ADAMTS12: variants seen among roughly 807,000 people sequenced by gnomAD.
ADAMTS12 encodes the protein ADAM metallopeptidase with thrombospondin type 1 motif 12.
Under a neutral mutation model 167.8 loss-of-function variants are expected in ADAMTS12, and 118 were observed. The observed-to-expected ratio is 0.70, with a 90% confidence interval of 0.61 to 0.82. The LOEUF is 0.82. Among genes scored for constraint, ADAMTS12 ranks in the 40% least tolerant of loss-of-function variants. The probability of loss-of-function intolerance (pLI) is 0.00; values close to 1 mark genes in which losing one functional copy is unlikely to be tolerated. For missense variants in ADAMTS12, 1,916 were observed against 1,998.8 expected, an observed-to-expected ratio of 0.96 and a Z score of 0.79; for synonymous variants, 704 against 716.9, an observed-to-expected ratio of 0.98 and a Z score of 0.29.
At chr5:33,814,918 G>A (rs750622419) in intron 2 of ADAMTS12, among the ~76,000 whole-genome samples, 12 of 152,134 alleles carry the variant, frequency 7.9e-5, no homozygotes, top group South Asian at 2.1e-4. Flanking sequence ...TTCTCGAATC[G>A]TAGAGTTTAG....
In ADAMTS12 at chr5:33,576,860, C is replaced by A. The variant is rs1746760726; in HGVS notation, c.3166G>T (p.Ala1056Ser). The A allele has an allele frequency of 1.2e-6, 2 of 1,614,044 alleles. No homozygotes were observed. Among genetic ancestry groups the A allele is most frequent in the South Asian group, 1.1e-5 (1 of 91,086 alleles). The change falls in exon 19 of 24, where the codon GCC (alanine) becomes TCC (serine). Residue 1056 changes from alanine (A) to serine (S), a missense_variant. Ala to Ser is a moderately conservative substitution (Grantham distance 99). Transcript: ENST00000504830. ...CCACCCAGGTCTCCTTCTTTGGAGG[C>A]TGTGGTAGGACTAGGGCTGCTGATT... ...PAISSPSPTTASKEGDLGGKQ... is the reference protein window; with the variant it reads ...PAISSPSPTTSSKEGDLGGKQ...
rs534227609 is a variant in ADAMTS12, at chr5:33,755,687, G to C, written c.490-4139C>G. Among the ~76,000 whole-genome samples the C allele has an allele frequency of 2.6e-5, 4 of 152,300 alleles. No individual in the cohort carries two copies. In the South Asian group the frequency reaches 8.3e-4, roughly 32 times the overall value. On this transcript the variant is annotated intron_variant, in intron 2 of 23. Transcript: ENST00000504830. ...TGGAGTACCACAAGTAAAGCCTGAAGGGTAAGAGCCAATGATAGTGTAAAA... is the reference window on the plus strand; with the variant it reads ...TGGAGTACCACAAGTAAAGCCTGAACGGTAAGAGCCAATGATAGTGTAAAA...
intron 2 of ADAMTS12, among the ~76,000 whole-genome samples, chr5:33,760,661 T>C (rs1327190366): frequency 6.6e-6 from 1 of 152,208 alleles, no homozygotes; most frequent in Non-Finnish European, 1.5e-5. Flanking sequence ...AGAGACACTG[T>C]AGCATCTAAA....
chr5:33,613,686 AT>A (rs1206767459), intron 16 of ADAMTS12, among the ~76,000 whole-genome samples: 2 of 152,118 alleles, frequency 1.3e-5, no homozygotes, highest in African/African-American at 2.4e-5. Context: ...TAAGATTTCA[AT>A]TTTTTTGTTC....
chr5:33,863,541 G>A (rs1749701194), intron 2 of ADAMTS12, among the ~76,000 whole-genome samples: 2 of 150,954 alleles, frequency 1.3e-5, no homozygotes, highest in South Asian at 4.2e-4. Flanking sequence ...AGGAAATAAT[G>A]AGGACACAAA....
intron 5 of ADAMTS12, among the ~76,000 whole-genome samples, chr5:33,675,431 A>G (rs1279549902): frequency 6.6e-6 from 1 of 152,208 alleles, no homozygotes; most frequent in East Asian, 1.9e-4. Context: ...CTGACATTCC[A>G]GTTTTGCTAT....
intron 16 of ADAMTS12, among the ~76,000 whole-genome samples, chr5:33,608,680 G>A (rs1261148742): frequency 1.3e-5 from 2 of 152,144 alleles, no homozygotes; most frequent in African/African-American, 2.4e-5. Flanking sequence ...ACAAAGAAAA[G>A]CACCCTCCCA....
chr5:33,613,306 T>A lies in ADAMTS12; in HGVS notation c.2527+932A>T, dbSNP rs149974890. ...ACTAAAGCCCCCTAAATGAGTGATA[T>A]AGCCCCAAGTATTCAGCAGGCCCTG... On this transcript the variant is annotated intron_variant, in intron 16 of 23. Coordinates refer to ENST00000504830, the MANE Select transcript of ADAMTS12 (RefSeq NM_030955.4). Among the ~76,000 whole-genome samples, 12 of 152,340 alleles carry A rather than the reference T, an allele frequency of 7.9e-5. 1 individual carries two copies.
At chr5:33,590,525 G>A (rs1006306250) in intron 17 of ADAMTS12, among the ~76,000 whole-genome samples, 2 of 152,120 alleles carry the variant, frequency 1.3e-5, no homozygotes, top group African/African-American at 4.8e-5. Context: ...GTCCTCTGTT[G>A]CCCTTCCTCC....
chr5:33,753,396 C>A (rs1745065713), intron 2 of ADAMTS12, among the ~76,000 whole-genome samples: 1 of 152,148 alleles, frequency 6.6e-6, no homozygotes, highest in African/African-American at 2.4e-5. Context: ...TAGTGGGAAA[C>A]AGACTCTGTG....
intron 6 of ADAMTS12, among the ~76,000 whole-genome samples, chr5:33,660,466 G>C (rs1741218514): frequency 6.6e-6 from 1 of 152,148 alleles, no homozygotes; most frequent in Admixed American, 6.5e-5. Flanking sequence ...ACAGTGCCTG[G>C]TCCATATCAA....
chr5:33,664,198 C>T (rs1006619285), intron 5 of ADAMTS12, among the ~76,000 whole-genome samples: 2 of 152,046 alleles, frequency 1.3e-5, no homozygotes, highest in African/African-American at 2.4e-5. Context: ...AGTTCCAGGC[C>T]TCAGGTTAGC....
chr5:33,868,873 G>A lies in ADAMTS12; in HGVS notation c.489+12246C>T, dbSNP rs182668172. Among the ~76,000 whole-genome samples the A allele has an allele frequency of 1.5e-3, 221 of 152,292 alleles. 2 individuals carry two copies. The highest frequency in any genetic ancestry group is 5.1e-3 in the African/African-American group (211 of 41,560). On this transcript the variant is annotated intron_variant, in intron 2 of 23. Transcript: ENST00000504830. ...TCTTTTTCCAATGTGGCCCAGAGAAGCCAAAATATTGGACACCTCTTTTTA... is the reference window on the plus strand; with the variant it reads ...TCTTTTTCCAATGTGGCCCAGAGAAACCAAAATATTGGACACCTCTTTTTA...
At chr5:33,849,728 A>G (rs991489074) in intron 2 of ADAMTS12, among the ~76,000 whole-genome samples, 2 of 149,798 alleles carry the variant, frequency 1.3e-5, no homozygotes, top group Non-Finnish European at 3.0e-5. Flanking sequence ...TATAGTATCT[A>G]TATATGTATT....
At chr5:33,719,976 T>C (rs1326879525) in intron 3 of ADAMTS12, among the ~76,000 whole-genome samples, 1 of 152,186 alleles carries the variant, frequency 6.6e-6, no homozygotes, top group Non-Finnish European at 1.5e-5. Flanking sequence ...AATACCTAAA[T>C]GTTATTTGTT....
chr5:33,827,339 CAG>C, intron 2 of ADAMTS12, among the ~76,000 whole-genome samples: 1 of 151,896 alleles, frequency 6.6e-6, no homozygotes, highest in South Asian at 2.1e-4. Context: ...CTCAAAGAAA[CAG>C]GGGCTTCAGT....
intron 5 of ADAMTS12, among the ~76,000 whole-genome samples, chr5:33,671,504 A>AAAAATAC (rs1174180882): frequency 6.6e-6 from 1 of 152,206 alleles, no homozygotes; most frequent in East Asian, 1.9e-4. Flanking sequence ...AAACAAACAG[A>AAAAATAC]AAAATACAAA....
intron 22 of ADAMTS12, among the ~76,000 whole-genome samples, chr5:33,542,115 T>C (rs1045933763): frequency 1.3e-4 from 19 of 150,476 alleles, no homozygotes; most frequent in South Asian, 4.2e-4. Flanking sequence ...GAGAAACACA[T>C]AGGCTCAAAA....
At chr5:33,673,225 T>C (rs1203438209) in intron 5 of ADAMTS12, among the ~76,000 whole-genome samples, 1 of 152,178 alleles carries the variant, frequency 6.6e-6, no homozygotes, top group Admixed American at 6.6e-5. Flanking sequence ...ATTGCTTAGT[T>C]CACTCTCAAT....
Sources: allele counts gnomAD v4.1 joint callset (sites outside exome capture counted in the v4.1 genomes callset), GRCh38; gene constraint gnomAD v4.1.1; transcripts MANE v1.5; gene names NCBI Gene and HGNC (gene_info 2026-07-23, HGNC 2026-07-21).